KALRN: variants seen among roughly 807,000 people sequenced by gnomAD.
KALRN encodes the protein kalirin RhoGEF kinase, also known as kalirin.
KALRN carries 70 observed loss-of-function variants against 353.7 expected under a neutral mutation model. That is an observed-to-expected ratio of 0.20 (90% confidence interval 0.16 to 0.24). The LOEUF (loss-of-function observed/expected upper bound fraction) is 0.24, where lower values mean the gene tolerates loss of function less well. Among genes scored for constraint, KALRN ranks in the 10% least tolerant of loss-of-function variants. The pLI, the probability that KALRN is intolerant of heterozygous loss-of-function variation, is 1.00. For synonymous variants in KALRN, 1,391 were observed against 1,434.8 expected, an observed-to-expected ratio of 0.97 and a Z score of 0.69; for missense variants, 2,791 against 3,756.7, an observed-to-expected ratio of 0.74 and a Z score of 6.72.
chr3:124,059,353 A>G (rs1255528783), intron 1 of KALRN, among the ~76,000 whole-genome samples: 2 of 152,172 alleles, frequency 1.3e-5, no homozygotes, highest in African/African-American at 4.8e-5. Flanking sequence ...TGGCTAAATT[A>G]TACTAATTAA....
At chr3:124,133,980 A>T (rs1345695159) in intron 1 of KALRN, among the ~76,000 whole-genome samples, 1 of 152,202 alleles carries the variant, frequency 6.6e-6, no homozygotes, top group Non-Finnish European at 1.5e-5. Flanking sequence ...ATTCAATGCA[A>T]TCCCCATCAA....
At chr3:124,642,815 T>TTGTTGTTGTTTTTTTTTTTTTTG (rs1559750179) in intron 37 of KALRN, among the ~76,000 whole-genome samples, 1 of 140,364 alleles carries the variant, frequency 7.1e-6, no homozygotes, top group Admixed American at 7.4e-5. Context: ...CGTTTTTTTT[T>TTGTTGTTGTTTTTTTTTTTTTTG]TTTTTTTTTT....
At chr3:124,615,471 C>T (rs2078475880) in intron 34 of KALRN, among the ~76,000 whole-genome samples, 1 of 152,102 alleles carries the variant, frequency 6.6e-6, no homozygotes, top group African/African-American at 2.4e-5. Flanking sequence ...TTAAGGAAAC[C>T]TATACTAAAG....
chr3:124,306,999 G>C (rs922543490), intron 6 of KALRN, among the ~76,000 whole-genome samples: 1 of 152,052 alleles, frequency 6.6e-6, no homozygotes, highest in African/African-American at 2.4e-5. Context: ...AAATAATAAA[G>C]GAAGTTTTTC....
intron 10 of KALRN, chr3:124,374,505 G>C (rs2086304748): frequency 1.3e-5 from 2 of 152,250 alleles, no homozygotes. Flanking sequence ...GGACTTGAAA[G>C]AGCACTATGC....
chr3:124,713,827 C>T (rs2063004263), intron 58 of KALRN, among the ~76,000 whole-genome samples: 1 of 152,152 alleles, frequency 6.6e-6, no homozygotes, highest in Non-Finnish European at 1.5e-5. Context: ...GGCCCTTGGC[C>T]TAGACAGGAG....
chr3:124,496,037 A>T lies in KALRN; in HGVS notation c.4833-274A>T, dbSNP rs570445244. Among the ~76,000 whole-genome samples the T allele has an allele frequency of 1.0e-3, 129 of 126,290 alleles. 12 individuals carry two copies. The South Asian group carries it at 0.036, about 35-fold the overall frequency. The allele number at this position is 126,290 out of a possible 152,430, so 82.9% of individuals were successfully genotyped here. A position where few individuals can be genotyped will look rare whatever the true frequency, so the allele number is the denominator to read the frequency against. The stretch of plus-strand genomic sequence containing the variant: ...TACACACACATATATACATACATAC[A>T]CCCCCTCTGCAGCATGGGCTGGAGG... On this transcript the variant is annotated intron_variant, in intron 32 of 59. Transcript: ENST00000682506.
rs1176384992 is a variant in KALRN at position 124,174,465 on chromosome 3, C to T, written c.74-53525C>T. ...AGGAAAAAAAGTATAGCATTTTATA[C>T]ACAAGGCTCACTAGCTTGTCAGTTG... On this transcript the variant is annotated intron_variant, in intron 1 of 59. Transcript: ENST00000682506. Among the ~76,000 whole-genome samples, 7 of 152,292 alleles carry T rather than the reference C, an allele frequency of 4.6e-5. No individual in the cohort carries two copies. The East Asian group carries it at 1.2e-3, about 25-fold the overall frequency.
chr3:124,426,275 T>C (rs1373140735), intron 15 of KALRN, among the ~76,000 whole-genome samples: 1 of 152,130 alleles, frequency 6.6e-6, no homozygotes, highest in Non-Finnish European at 1.5e-5. Context: ...GGAGTTAATT[T>C]AGATGTCGGT....
intron 6 of KALRN, among the ~76,000 whole-genome samples, chr3:124,319,717 G>T (rs911929467): frequency 1.7e-4 from 26 of 152,026 alleles, no homozygotes; most frequent in African/African-American, 5.1e-4. Flanking sequence ...TTCAGGCCAG[G>T]CGCAGTGGCT....
At chr3:124,267,571 A>T (rs2073708977) in intron 4 of KALRN, among the ~76,000 whole-genome samples, 1 of 152,212 alleles carries the variant, frequency 6.6e-6, no homozygotes, top group South Asian at 2.1e-4. Flanking sequence ...AGGTTTGAGC[A>T]TTGGTATTTT....
At chr3:124,707,280 T>A (rs1486141079) in intron 57 of KALRN, among the ~76,000 whole-genome samples, 2 of 152,048 alleles carry the variant, frequency 1.3e-5, no homozygotes, top group African/African-American at 4.8e-5. Context: ...GAGGTCGAGA[T>A]CGCACCACTG....
intron 1 of KALRN, among the ~76,000 whole-genome samples, chr3:124,120,956 G>T (rs572518243): frequency 2.0e-5 from 3 of 150,598 alleles, no homozygotes; most frequent in Non-Finnish European, 3.0e-5. Context: ...TTAGCTGGGC[G>T]TGGTGGTGCA....
intron 37 of KALRN, among the ~76,000 whole-genome samples, chr3:124,646,518 G>A (rs1036442179): frequency 6.6e-6 from 1 of 150,544 alleles, no homozygotes; most frequent in Non-Finnish European, 1.5e-5. Context: ...AGCCTCCCGA[G>A]TAGCTGGGAC....
At chr3:124,468,213 A>C (rs1027970192) in intron 25 of KALRN, among the ~76,000 whole-genome samples, 1 of 152,194 alleles carries the variant, frequency 6.6e-6, no homozygotes, top group Non-Finnish European at 1.5e-5. Flanking sequence ...GGGAAGTTAA[A>C]TTTTGAAAAA....
intron 1 of KALRN, among the ~76,000 whole-genome samples, chr3:124,052,415 C>T (rs576537449): frequency 3.7e-4 from 57 of 152,170 alleles, no homozygotes; most frequent in African/African-American, 7.9e-4. Context: ...CATCAGGGAC[C>T]GCCTTTCTTC....
At chr3:124,415,247 A>G (rs1466820589) in intron 14 of KALRN, among the ~76,000 whole-genome samples, 1 of 152,208 alleles carries the variant, frequency 6.6e-6, no homozygotes, top group Admixed American at 6.5e-5. Flanking sequence ...ATGCCCTGAT[A>G]TTCTGATTTA....
intron 58 of KALRN, among the ~76,000 whole-genome samples, chr3:124,716,353 G>C (rs759197191): frequency 1.3e-5 from 2 of 152,178 alleles, no homozygotes; most frequent in Non-Finnish European, 2.9e-5. Context: ...GCAAAACTCT[G>C]TCTCTACTAA....
intron 33 of KALRN, chr3:124,518,496 G>T: frequency 1.2e-6 from 2 of 1,613,662 alleles, no homozygotes; most frequent in Non-Finnish European, 1.7e-6. Flanking sequence ...GCAGCTCACC[G>T]GGTTAGCCGT....
Sources: gnomAD v4.1 joint callset for allele counts (sites outside exome capture counted in the v4.1 genomes callset) on GRCh38, gnomAD v4.1.1 for gene constraint, MANE v1.5 for transcripts, NCBI Gene and HGNC (gene_info 2026-07-23, HGNC 2026-07-21) for gene names.